Variants in ANKRD13C observed in about 807,000 individuals in gnomAD.
ANKRD13C encodes ankyrin repeat domain-containing protein 13C.
In ANKRD13C, 16 loss-of-function variants were observed where a neutral mutation model predicts 65.5. That is an observed-to-expected ratio of 0.24 (90% CI 0.17 to 0.37). ANKRD13C has a LOEUF of 0.37. Ranked by LOEUF, ANKRD13C falls within the 10% of genes least tolerant of loss-of-function variation. ANKRD13C has a pLI of 1.00. For synonymous variants in ANKRD13C, 235 were observed against 238.7 expected (o/e 0.98, Z 0.14); for missense variants, 503 against 655.9 (o/e 0.77, Z 2.55).
At chr1:70,336,657 G>A (rs139534962) in intron 1 of ANKRD13C, among the ~76,000 whole-genome samples, 6 of 152,104 alleles carry the variant, frequency 3.9e-5, no homozygotes, top group Non-Finnish European at 5.9e-5. Context: ...ATCTGTAGGC[G>A]AACAAAAGCA....
intron 6 of ANKRD13C, 62 bp downstream of exon 6, chr1:70,306,162 G>GA (rs1018597260): frequency 2.0e-5 from 25 of 1,219,664 alleles, no homozygotes; most frequent in Non-Finnish European, 2.4e-5. Context: ...TGATTACAGG[G>GA]AAAAAAATCT....
Position 70,354,140 on chromosome 1 carries a change from T to G in ANKRD13C, c.269A>C (p.Gln90Pro). Residue 90 changes from glutamine (Q) to proline (P), a missense_variant, in exon 1 of 13, where the codon CAG (glutamine) becomes CCG (proline). Gln to Pro is a moderately conservative substitution (Grantham distance 76). Around this residue, in one of 2 missense-constraint regions of ANKRD13C, gnomAD observed 203 missense variants for 177.6 expected, o/e 1.14. Transcript: ENST00000370944. ...LHNSSVTANS[Q>P]SPALLAGTNP... is the part of the protein sequence containing the mutation. ...GGTGCCGGCCAGAAGGGCCGGGGACTGGGAGTTGGCAGTCACGGAGGAATT... is the reference window on the plus strand; with the variant it reads ...GGTGCCGGCCAGAAGGGCCGGGGACGGGGAGTTGGCAGTCACGGAGGAATT... The G allele has an allele frequency of 1.5e-5, 25 of 1,614,002 alleles. No individual in the cohort carries two copies. The highest frequency in any genetic ancestry group is 2.7e-5 in the African/African-American group (2 of 75,036).
At chr1:70,338,061 T>G (rs953778659) in intron 1 of ANKRD13C, among the ~76,000 whole-genome samples, 2 of 151,684 alleles carry the variant, frequency 1.3e-5, no homozygotes, top group African/African-American at 4.8e-5. Flanking sequence ...ATGGCGGCAA[T>G]GCACTCCAGC....
chr1:70,331,265 T>C (rs1188324917), intron 2 of ANKRD13C, among the ~76,000 whole-genome samples: 1 of 151,848 alleles, frequency 6.6e-6, no homozygotes, highest in East Asian at 1.9e-4. Flanking sequence ...AAGCAAGGTA[T>C]AGAACACTAA....
At chr1:70,313,513 G>C (rs2101464012) in intron 5 of ANKRD13C, among the ~76,000 whole-genome samples, 1 of 147,548 alleles carries the variant, frequency 6.8e-6, no homozygotes, top group Non-Finnish European at 1.5e-5. Context: ...CTGGGCAACA[G>C]TGAGAACTTG....
At chr1:70,295,896 A>G (rs1388083792) in intron 8 of ANKRD13C, among the ~76,000 whole-genome samples, 5 of 152,196 alleles carry the variant, frequency 3.3e-5, no homozygotes, top group African/African-American at 1.2e-4. Flanking sequence ...AGCTAGCAAT[A>G]AGAGTCCTTC....
At chr1:70,341,839 T>A (rs1682324837) in intron 1 of ANKRD13C, among the ~76,000 whole-genome samples, 1 of 152,114 alleles carries the variant, frequency 6.6e-6, no homozygotes, top group African/African-American at 2.4e-5. Context: ...CATTTTAAAA[T>A]CATTCTTGTC....
intron 11 of ANKRD13C, among the ~76,000 whole-genome samples, chr1:70,272,598 T>C (rs78377666): frequency 6.6e-6 from 1 of 152,100 alleles, no homozygotes; most frequent in Non-Finnish European, 1.5e-5. Context: ...TTTTTTTTTT[T>C]CATGTAACAT....
intron 11 of ANKRD13C, 48 bp downstream of exon 11, chr1:70,274,672 G>A: frequency 7.3e-7 from 1 of 1,364,250 alleles, no homozygotes; most frequent in East Asian, 2.3e-5. Flanking sequence ...CAGCCTTTAG[G>A]GTTTAATAGT....
intron 2 of ANKRD13C, among the ~76,000 whole-genome samples, chr1:70,330,424 G>A (rs544555856): frequency 5.9e-5 from 9 of 151,980 alleles, no homozygotes; most frequent in African/African-American, 1.9e-4. Flanking sequence ...TGGACGTGGT[G>A]GCATGCGCCT....
chr1:70,353,492 G>A (rs1175024946), intron 1 of ANKRD13C, among the ~76,000 whole-genome samples: 1 of 152,120 alleles, frequency 6.6e-6, no homozygotes, highest in African/African-American at 2.4e-5. Context: ...ACTGAAAGCA[G>A]ACAAAAAAGA....
chr1:70,271,481 T>C lies in ANKRD13C; in HGVS notation c.1395-525A>G, dbSNP rs563501607. 1.4e-4 allele frequency among the ~76,000 whole-genome samples: 22 copies of C among 152,310 alleles called. No individual in the cohort carries two copies. The South Asian group carries it at 4.6e-3, about 32-fold the overall frequency. ...TGGATTTCTTTTTTAAGTAGTAGCATTTTTCTTTGAAAAAAGTCCTACGAC... is the reference window on the plus strand; with the variant it reads ...TGGATTTCTTTTTTAAGTAGTAGCACTTTTCTTTGAAAAAAGTCCTACGAC... On this transcript the variant is annotated intron_variant, in intron 11 of 12. Coordinates refer to ENST00000370944, the MANE Select transcript of ANKRD13C (RefSeq NM_030816.5).
chr1:70,285,368 T>C (rs760817165), intron 9 of ANKRD13C, among the ~76,000 whole-genome samples: 4 of 151,850 alleles, frequency 2.6e-5, no homozygotes, highest in Non-Finnish European at 5.9e-5. Context: ...ATTTTATTTG[T>C]ATATTTAGTT....
chr1:70,325,067 C>T (rs1456867430), intron 2 of ANKRD13C, 110 bp from the exon 3 acceptor site: 4 of 702,112 alleles, frequency 5.7e-6, no homozygotes, highest in South Asian at 2.8e-5. Flanking sequence ...ATGAAATAAA[C>T]ATTGTACCAT....
chr1:70,337,890 G>A (rs1572166426), intron 1 of ANKRD13C, among the ~76,000 whole-genome samples: 1 of 151,818 alleles, frequency 6.6e-6, no homozygotes, highest in Admixed American at 6.6e-5. Context: ...ACCTGAGGTC[G>A]GGAGTTCAAG....
rs200906843 is a variant in ANKRD13C, at chr1:70,296,090, G to A, written c.1053+40C>T. The A allele has an allele frequency of 4.9e-4, 785 of 1,598,914 alleles. 3 individuals are homozygous for A. The African/African-American group carries it at 9.0e-3, about 18-fold the overall frequency. Reference sequence around the variant, plus strand: ...CGTTATTTTGGAAATATTAAATACCGAACAATGCTTAAAGTTTAAAAATCT... The same window carrying A: ...CGTTATTTTGGAAATATTAAATACCAAACAATGCTTAAAGTTTAAAAATCT... On this transcript the variant is annotated intron_variant, in intron 8 of 12. Coordinates refer to ENST00000370944, the MANE Select transcript of ANKRD13C (RefSeq NM_030816.5).
At chr1:70,334,900 C>T (rs1025376262) in intron 2 of ANKRD13C, among the ~76,000 whole-genome samples, 1 of 151,624 alleles carries the variant, frequency 6.6e-6, no homozygotes, top group Admixed American at 6.6e-5. Context: ...GAGTGAAATT[C>T]TATCTCAAAA....
chr1:70,324,018 G>GCCCA (rs940375436), intron 3 of ANKRD13C, among the ~76,000 whole-genome samples: 28 of 152,094 alleles, frequency 1.8e-4, no homozygotes, highest in African/African-American at 6.5e-4. Context: ...GAGCCACCGT[G>GCCCA]CCCAGCCTGC....
chr1:70,296,096 T>A, intron 8 of ANKRD13C, 34 bp downstream of exon 8: 1 of 1,604,378 alleles, frequency 6.2e-7, no homozygotes, highest in Non-Finnish European at 8.5e-7. Flanking sequence ...TACCGAACAA[T>A]GCTTAAAGTT....
Sources: allele counts gnomAD v4.1 joint callset (sites outside exome capture counted in the v4.1 genomes callset), GRCh38; gene constraint gnomAD v4.1.1; regional missense constraint gnomAD v4.1.1; transcripts MANE v1.5; gene names NCBI Gene and HGNC (gene_info 2026-07-23, HGNC 2026-07-21).